ANKRD30B: variants seen among roughly 807,000 people sequenced by gnomAD.
ANKRD30B encodes ankyrin repeat domain-containing protein 30B.
A neutral mutation model predicts 202.2 loss-of-function variants in ANKRD30B; 144 were observed. The observed-to-expected ratio is 0.71, with a 90% CI of 0.62 to 0.82. The LOEUF (loss-of-function observed/expected upper bound fraction) is 0.82, where lower values mean the gene tolerates loss of function less well. Among genes scored for constraint, ANKRD30B ranks in the 40% least tolerant of loss-of-function variants. ANKRD30B has a pLI of 0.00. For missense variants in ANKRD30B, 1,487 were observed against 1,669.1 expected (o/e 0.89, Z 1.90); for synonymous variants, 508 against 561.3 (o/e 0.91, Z 1.34).
intron 1 of ANKRD30B, among the ~76,000 whole-genome samples, chr18:14,750,175 T>C (rs1331394475): frequency 6.6e-6 from 1 of 151,782 alleles, no homozygotes; most frequent in Non-Finnish European, 1.5e-5. Flanking sequence ...TACTCATGTA[T>C]GTGTGTGTGT....
At chr18:14,795,028 G>T (rs1425130620) in intron 16 of ANKRD30B, among the ~76,000 whole-genome samples, 1 of 152,052 alleles carries the variant, frequency 6.6e-6, no homozygotes, top group Non-Finnish European at 1.5e-5. Context: ...CAACTCACAT[G>T]GTATAACAAA....
chr18:14,831,094 G>A (rs1970901986), intron 33 of ANKRD30B, among the ~76,000 whole-genome samples: 1 of 150,300 alleles, frequency 6.7e-6, no homozygotes, highest in South Asian at 2.1e-4. Context: ...CAGGAGAATG[G>A]CATGAACCCC....
the ANKRD30B span, among the ~76,000 whole-genome samples, chr18:14,911,206 C>T: frequency 6.6e-6 from 1 of 151,910 alleles, no homozygotes; most frequent in African/African-American, 2.4e-5. Context: ...CCAAGGCCAA[C>T]ATCCAAAAGA....
At chr18:14,783,935 A>T (rs1412900961) in intron 12 of ANKRD30B, among the ~76,000 whole-genome samples, 2 of 152,016 alleles carry the variant, frequency 1.3e-5, no homozygotes, top group African/African-American at 2.4e-5. Flanking sequence ...ATTCAGCTGA[A>T]CTCTCATCAT....
intron 7 of ANKRD30B, 99 bp from the exon 8 acceptor site, chr18:14,769,244 T>G: frequency 2.2e-6 from 2 of 908,834 alleles, no homozygotes; most frequent in Admixed American, 5.1e-5. Context: ...GTAGCTGGGA[T>G]TACAGGCATT....
chr18:14,855,292 C>T (rs1373202886), downstream of ANKRD30B, among the ~76,000 whole-genome samples: 1 of 152,188 alleles, frequency 6.6e-6, no homozygotes. Context: ...ATGGAGTCTC[C>T]TATGTCTACT....
chr18:14,906,116 A>G, the ANKRD30B span, among the ~76,000 whole-genome samples: 2 of 151,906 alleles, frequency 1.3e-5, no homozygotes, highest in Non-Finnish European at 2.9e-5. Context: ...TATGCCACAC[A>G]TTGTTTAAAG....
intron 36 of ANKRD30B, among the ~76,000 whole-genome samples, chr18:14,838,700 A>G (rs951517704): frequency 2.8e-4 from 42 of 152,332 alleles, no homozygotes; most frequent in African/African-American, 1.0e-3. Flanking sequence ...GTGGATGTCA[A>G]AAGATAAGTC....
chr18:14,783,109 T>C (rs1967862422), intron 12 of ANKRD30B, among the ~76,000 whole-genome samples: 2 of 152,160 alleles, frequency 1.3e-5, no homozygotes, highest in Non-Finnish European at 2.9e-5. Context: ...TGGGGAGGCA[T>C]TAGGAATGGA....
intron 36 of ANKRD30B, among the ~76,000 whole-genome samples, chr18:14,837,930 G>A (rs1320633503): frequency 6.6e-6 from 1 of 152,150 alleles, no homozygotes; most frequent in Non-Finnish European, 1.5e-5. Flanking sequence ...GCAGGAGAAT[G>A]GCGTGAACCC....
chr18:14,769,266 C>T (rs1255561566), intron 7 of ANKRD30B, 77 bp from the exon 8 acceptor site: 2 of 1,142,860 alleles, frequency 1.7e-6, no homozygotes, highest in East Asian at 5.4e-5. Flanking sequence ...GCCATCGTGC[C>T]CTCTTACGTT....
At chr18:14,838,301 G>A (rs1971267115) in intron 36 of ANKRD30B, among the ~76,000 whole-genome samples, 1 of 152,152 alleles carries the variant, frequency 6.6e-6, no homozygotes, top group African/African-American at 2.4e-5. Flanking sequence ...AGCTCTAACT[G>A]GATTCGAGGA....
intron 5 of ANKRD30B, among the ~76,000 whole-genome samples, chr18:14,758,176 G>A (rs1487808315): frequency 1.3e-5 from 2 of 152,022 alleles, no homozygotes; most frequent in African/African-American, 2.4e-5. Flanking sequence ...CCCTAGGCTC[G>A]GGATAAACAC....
intron 1 of ANKRD30B, among the ~76,000 whole-genome samples, chr18:14,749,226 C>T (rs1260500350): frequency 2.0e-5 from 3 of 152,136 alleles, no homozygotes; most frequent in Non-Finnish European, 4.4e-5. Flanking sequence ...TCTCAAGATG[C>T]GACTTACCAG....
At chr18:14,754,684 C>T (rs894955595) in intron 3 of ANKRD30B, among the ~76,000 whole-genome samples, 6 of 151,960 alleles carry the variant, frequency 3.9e-5, no homozygotes, top group Non-Finnish European at 8.8e-5. Flanking sequence ...TTGGAGATAA[C>T]CAGAATTAAT....
the ANKRD30B span, among the ~76,000 whole-genome samples, chr18:14,938,495 C>T: frequency 1.3e-5 from 2 of 152,282 alleles, no homozygotes; most frequent in African/African-American, 2.4e-5. Context: ...CCATGGCCCT[C>T]AGTCCTCTAC....
At chr18:14,877,217 C>T in the ANKRD30B span, among the ~76,000 whole-genome samples, 2 of 152,248 alleles carry the variant, frequency 1.3e-5, no homozygotes, top group Admixed American at 1.3e-4. Context: ...GCACCTTGTA[C>T]TTTGCAGTAA....
At chr18:14,901,238 CA>C in the ANKRD30B span, among the ~76,000 whole-genome samples, 13 of 152,064 alleles carry the variant, frequency 8.5e-5, no homozygotes, top group Admixed American at 8.5e-4. Flanking sequence ...TGATTCATTT[CA>C]AAAAGTGGTT....
chr18:14,886,950 T>A, the ANKRD30B span, among the ~76,000 whole-genome samples: 1 of 152,100 alleles, frequency 6.6e-6, no homozygotes, highest in Non-Finnish European at 1.5e-5. Context: ...GTCGTATAGG[T>A]CAACCACAGG....
Sources: gnomAD v4.1 joint callset for allele counts (sites outside exome capture counted in the v4.1 genomes callset) on GRCh38, gnomAD v4.1.1 for gene constraint, MANE v1.5 for transcripts, NCBI Gene and HGNC (gene_info 2026-07-23, HGNC 2026-07-21) for gene names.